GRIA3: variants seen among roughly 807,000 people sequenced by gnomAD.
The protein encoded by GRIA3 is glutamate ionotropic receptor AMPA type subunit 3.
A neutral mutation model predicts 63.0 loss-of-function variants in GRIA3; 3 were observed. That is an observed-to-expected ratio of 0.05 (90% CI 0.02 to 0.12). The LOEUF (loss-of-function observed/expected upper bound fraction) is 0.12. Among genes scored for constraint, GRIA3 ranks in the 10% least tolerant of loss-of-function variants. The pLI is 1.00. For synonymous variants in GRIA3, 274 were observed against 257.9 expected, an observed-to-expected ratio of 1.06 and a Z score of -0.60; for missense variants, 347 against 700.9, an observed-to-expected ratio of 0.50 and a Z score of 5.70.
At chrX:123,198,399 G>A (rs1005624395) in intron 2 of GRIA3, among the ~76,000 whole-genome samples, 4 of 111,936 alleles carry the variant, frequency 3.6e-5, no homozygotes, top group Non-Finnish European at 5.6e-5. Context: ...GATCATCCAC[G>A]TAAAATATTG....
chrX:123,352,117 G>A (rs1603107560), intron 4 of GRIA3, among the ~76,000 whole-genome samples: 1 of 104,917 alleles, frequency 9.5e-6, no homozygotes, highest in Non-Finnish European at 1.9e-5. Flanking sequence ...TTTCACTCTC[G>A]TTGCCCAGGC....
intron 5 of GRIA3, among the ~76,000 whole-genome samples, chrX:123,365,092 A>T (rs1271595210): frequency 9.0e-6 from 1 of 111,680 alleles, no homozygotes; most frequent in East Asian, 2.8e-4. Flanking sequence ...TCAAACTAAG[A>T]GGGTAAATTT....
At chrX:123,335,014 G>A (rs1387563698) in intron 4 of GRIA3, among the ~76,000 whole-genome samples, 1 of 109,303 alleles carries the variant, frequency 9.1e-6, no homozygotes, top group Non-Finnish European at 1.9e-5. Context: ...TTGCAATCTA[G>A]TAGGGCGATA....
At chrX:123,213,800 A>G (rs1569400335) in intron 2 of GRIA3, among the ~76,000 whole-genome samples, 1 of 111,783 alleles carries the variant, frequency 8.9e-6, no homozygotes, top group Non-Finnish European at 1.9e-5. Context: ...AGGCCAAATA[A>G]AGGGAAAAAA....
chrX:123,421,763 A>ATTT (rs2045565573), intron 11 of GRIA3, among the ~76,000 whole-genome samples: 1 of 111,913 alleles, frequency 8.9e-6, no homozygotes, highest in Non-Finnish European at 1.9e-5. Flanking sequence ...TATCAGGTGG[A>ATTT]TTTTAATCCT....
intron 3 of GRIA3, among the ~76,000 whole-genome samples, chrX:123,265,114 A>G (rs2044480435): frequency 9.0e-6 from 1 of 111,654 alleles, no homozygotes; most frequent in Non-Finnish European, 1.9e-5. Context: ...TCCCCTTAAT[A>G]AGCTCACAGT....
intron 2 of GRIA3, among the ~76,000 whole-genome samples, chrX:123,201,541 G>A (rs952762054): frequency 1.8e-5 from 2 of 110,251 alleles, no homozygotes; most frequent in Admixed American, 9.7e-5. Flanking sequence ...CATCTAGTCC[G>A]TCATCTTAAT....
In GRIA3 at chrX:123,354,915, G is replaced by A; in HGVS notation, c.702G>A (p.Val234=). The A allele has an allele frequency of 8.4e-7, 1 of 1,193,526 alleles. No homozygotes were observed. Among genetic ancestry groups the A allele is most frequent in the Non-Finnish European group, 1.1e-6 (1 of 879,045 alleles). ...ERINTILEQV[V]ILGKHSRGYH... is the part of the protein sequence containing the mutation. ...CTTATTTCTTCTTTCTGCAGGTTGT[G>A]ATCCTAGGGAAACACTCAAGAGGTT... The change falls in exon 5 of 16, where the codon GTG becomes GTA. Residue 234 remains valine, a synonymous_variant. Transcript: ENST00000620443.
chrX:123,389,831 A>G (rs2045375241), intron 5 of GRIA3, among the ~76,000 whole-genome samples: 2 of 110,221 alleles, frequency 1.8e-5, no homozygotes, highest in Admixed American at 1.9e-4. Flanking sequence ...TCAGCCTCCC[A>G]AGTAGCTGGG....
At chrX:123,315,156 A>G (rs1281736083) in intron 3 of GRIA3, among the ~76,000 whole-genome samples, 1 of 111,939 alleles carries the variant, frequency 8.9e-6, no homozygotes, top group Non-Finnish European at 1.9e-5. Context: ...AGCTGCAAGG[A>G]GAAGAAGATT....
intron 3 of GRIA3, among the ~76,000 whole-genome samples, chrX:123,307,008 C>T (rs971231645): frequency 8.9e-5 from 10 of 111,792 alleles, no homozygotes; most frequent in Admixed American, 2.8e-4. Context: ...CCTAAAAGGG[C>T]CATGGCTTCA....
At chrX:123,467,072 C>A (rs1863793389) in intron 13 of GRIA3, among the ~76,000 whole-genome samples, 1 of 112,864 alleles carries the variant, frequency 8.9e-6, no homozygotes. Context: ...CAGAACTCAC[C>A]TAACCAGTAC....
At chrX:123,478,088 G>A (rs1226763962) in intron 13 of GRIA3, among the ~76,000 whole-genome samples, 1 of 111,804 alleles carries the variant, frequency 8.9e-6, no homozygotes, top group Non-Finnish European at 1.9e-5. Flanking sequence ...GCTGAGCCTG[G>A]TGCCACTGCC....
rs764881938 is a variant in GRIA3, at chrX:123,408,754, A to C, written c.1500+3840A>C. ...TCCTCCTCCTTCCCCTGCCTAAAAC[A>C]ACTTTCTGATGCTTTCTGGGCTTAT... On this transcript the variant is annotated intron_variant, in intron 10 of 15. Coordinates refer to ENST00000620443, the MANE Select transcript of GRIA3 (RefSeq NM_007325.5). Among the ~76,000 whole-genome samples the C allele has an allele frequency of 8.9e-5, 10 of 112,335 alleles. No homozygotes were observed. The East Asian group carries it at 2.8e-3, about 32-fold the overall frequency.
intron 2 of GRIA3, among the ~76,000 whole-genome samples, chrX:123,190,307 T>C (rs1927395766): frequency 9.0e-6 from 1 of 111,595 alleles, no homozygotes; most frequent in Non-Finnish European, 1.9e-5. Context: ...CTGGCCAGCC[T>C]TCAGTAAGCA....
At chrX:123,238,933 A>T (rs989639) in intron 2 of GRIA3, among the ~76,000 whole-genome samples, 3 of 108,476 alleles carry the variant, frequency 2.8e-5, no homozygotes, top group African/African-American at 1.0e-4. Flanking sequence ...GCAGGAGGTC[A>T]TATGAAAGGG....
At chrX:123,403,767 C>T (rs924199683) in intron 9 of GRIA3, among the ~76,000 whole-genome samples, 9 of 111,417 alleles carry the variant, frequency 8.1e-5, no homozygotes, top group Admixed American at 9.6e-5. Flanking sequence ...CTCCCCGCCT[C>T]CATGCCCGCC....
Position 123,464,852 on chromosome X carries a change from C to T in GRIA3, c.2077-13C>T. 1 of 1,201,806 alleles carries T rather than the reference C, an allele frequency of 8.3e-7. No homozygotes were observed. Among genetic ancestry groups the T allele is most frequent in the South Asian group, 1.8e-5 (1 of 56,632 alleles). On this transcript the variant is annotated splice_polypyrimidine_tract_variant and intron_variant, in intron 12 of 15. Transcript: ENST00000620443. ...ATCTGGCAGCTCTAAGAATTCTTAT[C>T]TCTTTGGTGCAGAGATCCAAAATTG...
chrX:123,302,755 A>C lies in GRIA3; in HGVS notation c.509-23271A>C, dbSNP rs150918282. Among the ~76,000 whole-genome samples, 633 of 111,422 alleles carry C rather than the reference A, an allele frequency of 5.7e-3. 6 individuals are homozygous for C. The highest frequency in any genetic ancestry group is 0.02 in the African/African-American group (608 of 30,723). Reference sequence around the variant, plus strand: ...GTAACATTGGCCTGTGTGATCTTCTAATACTGAAACCTTTCCCTATAAGCC... The same window carrying C: ...GTAACATTGGCCTGTGTGATCTTCTCATACTGAAACCTTTCCCTATAAGCC... On this transcript the variant is annotated intron_variant, in intron 3 of 15. Transcript: ENST00000620443.
Sources: allele counts gnomAD v4.1 joint callset (sites outside exome capture counted in the v4.1 genomes callset), GRCh38; gene constraint gnomAD v4.1.1; transcripts MANE v1.5; gene names NCBI Gene and HGNC (gene_info 2026-07-23, HGNC 2026-07-21).